The following PGBD2 variants were observed in gnomAD, a reference collection of about 807,000 sequenced individuals.
PGBD2 encodes the protein piggyBac transposable element-derived protein 2.
PGBD2 carries 6 observed loss-of-function variants against 8.1 expected under a neutral mutation model. That is an observed-to-expected ratio of 0.74 (90% CI 0.40 to 1.46). PGBD2 has a LOEUF of 1.46. PGBD2 is among the 40% of genes most tolerant of loss of function. The pLI is 0.02. For synonymous variants in PGBD2, 318 were observed against 272.2 expected (o/e 1.17, Z -1.66); for missense variants, 802 against 739.0 (o/e 1.09, Z -0.99).
At chr1:248,891,133 A>G in the PGBD2 span, among the ~76,000 whole-genome samples, 2 of 152,258 alleles carry the variant, frequency 1.3e-5, no homozygotes, top group African/African-American at 4.8e-5. Flanking sequence ...ATGCAAACAA[A>G]ATGTGTCTCT....
At chr1:248,874,955 TAGAC>T in the PGBD2 span, among the ~76,000 whole-genome samples, 1 of 138,624 alleles carries the variant, frequency 7.2e-6, no homozygotes, top group African/African-American at 2.9e-5. Flanking sequence ...GATAGATAGA[TAGAC>T]AAATAGATAG....
the PGBD2 span, among the ~76,000 whole-genome samples, chr1:248,891,575 A>T: frequency 1.3e-5 from 2 of 152,342 alleles, no homozygotes; most frequent in African/African-American, 4.8e-5. Context: ...CACACCTGTC[A>T]TCCCAGCCCT....
At chr1:248,896,250 T>C in the PGBD2 span, among the ~76,000 whole-genome samples, 4 of 152,186 alleles carry the variant, frequency 2.6e-5, no homozygotes, top group Non-Finnish European at 4.4e-5. Flanking sequence ...TTGACTCAAA[T>C]TGGAATTACA....
chr1:248,878,469 A>G, the PGBD2 span, among the ~76,000 whole-genome samples: 1 of 152,082 alleles, frequency 6.6e-6, no homozygotes, highest in African/African-American at 2.4e-5. Context: ...GAGCCACCGC[A>G]CCTGCTTCCA....
At position 248,913,824 on chromosome 1, in the gene PGBD2, A is replaced by T; in HGVS notation, c.-39A>T. On this transcript the variant is annotated 5_prime_UTR_variant, in exon 2 of 3. Coordinates refer to ENST00000329291, the MANE Select transcript of PGBD2 (RefSeq NM_170725.3). Reference sequence around the variant, plus strand: ...CTTTTCTTGTCTTACAGGTTCTTAGACTCTGTGAGTAAAGACAGCTTCATC... The same window carrying T: ...CTTTTCTTGTCTTACAGGTTCTTAGTCTCTGTGAGTAAAGACAGCTTCATC... 1 of 1,570,728 alleles carries T rather than the reference A, an allele frequency of 6.4e-7. No individual in the cohort carries two copies. The highest frequency in any genetic ancestry group is 8.8e-7 in the Non-Finnish European group (1 of 1,140,602).
intron 1 of PGBD2, among the ~76,000 whole-genome samples, chr1:248,911,420 G>A (rs1221091527): frequency 1.3e-5 from 2 of 149,954 alleles, no homozygotes; most frequent in African/African-American, 5.1e-5. Flanking sequence ...GTTTCAGAGA[G>A]CACAGGGTTG....
the PGBD2 span, among the ~76,000 whole-genome samples, chr1:248,893,910 T>A: frequency 6.6e-6 from 1 of 152,232 alleles, no homozygotes; most frequent in South Asian, 2.1e-4. Context: ...TTCTTTTCTT[T>A]TTTGTTAATT....
chr1:248,909,524 A>G (rs778086823), intron 1 of PGBD2, among the ~76,000 whole-genome samples: 3 of 152,148 alleles, frequency 2.0e-5, no homozygotes, highest in Non-Finnish European at 4.4e-5. Flanking sequence ...GAGTGTGGCC[A>G]TTTGGCTCTG....
At chr1:248,876,423 T>C in the PGBD2 span, among the ~76,000 whole-genome samples, 5,885 of 152,318 alleles carry the variant, frequency 0.039, 378 homozygotes, top group African/African-American at 0.13. Context: ...TTTGCTATTC[T>C]TTTGGTCCAC....
chr1:248,883,545 G>A, the PGBD2 span, among the ~76,000 whole-genome samples: 1 of 147,760 alleles, frequency 6.8e-6, no homozygotes, highest in East Asian at 2.0e-4. Flanking sequence ...TTTTCTCCCA[G>A]CCTGTCTGTT....
the PGBD2 span, among the ~76,000 whole-genome samples, chr1:248,926,267 C>A: frequency 6.6e-6 from 1 of 152,114 alleles, no homozygotes; most frequent in East Asian, 1.9e-4. Flanking sequence ...AAGCTCTGTA[C>A]AAAAGTTGTA....
chr1:248,926,915 C>G, the PGBD2 span, among the ~76,000 whole-genome samples: 2 of 152,164 alleles, frequency 1.3e-5, no homozygotes, highest in Non-Finnish European at 2.9e-5. Context: ...ATGATGCTCA[C>G]CAGCTGGTTA....
At chr1:248,874,434 A>G in the PGBD2 span, among the ~76,000 whole-genome samples, 1 of 152,216 alleles carries the variant, frequency 6.6e-6, no homozygotes, top group African/African-American at 2.4e-5. Flanking sequence ...CTCATTTTGC[A>G]GAGTAGTTAC....
chr1:248,907,411 C>T (rs113875127), intron 1 of PGBD2, among the ~76,000 whole-genome samples: 11 of 152,142 alleles, frequency 7.2e-5, no homozygotes, highest in Non-Finnish European at 1.6e-4. Flanking sequence ...GCAGGCAGGA[C>T]ACAGTGGCCT....
the PGBD2 span, among the ~76,000 whole-genome samples, chr1:248,889,116 G>T: frequency 6.6e-6 from 1 of 152,188 alleles, no homozygotes; most frequent in Non-Finnish European, 1.5e-5. Context: ...GCCGGTAACT[G>T]TGGCTCACGC....
chr1:248,884,426 C>T, the PGBD2 span, among the ~76,000 whole-genome samples: 26 of 151,896 alleles, frequency 1.7e-4, no homozygotes, highest in East Asian at 9.7e-4. Context: ...TTGCAACCTT[C>T]GCCTCCTGGG....
At chr1:248,874,450 A>G in the PGBD2 span, among the ~76,000 whole-genome samples, 2 of 152,200 alleles carry the variant, frequency 1.3e-5, no homozygotes, top group African/African-American at 4.8e-5. Flanking sequence ...GTTACCTGAA[A>G]TGGACTCTAC....
At chr1:248,897,824 T>C in the PGBD2 span, among the ~76,000 whole-genome samples, 1 of 152,186 alleles carries the variant, frequency 6.6e-6, no homozygotes, top group African/African-American at 2.4e-5. Context: ...GGAGACTGCC[T>C]GAGATGACCG....
the PGBD2 span, among the ~76,000 whole-genome samples, chr1:248,884,409 C>T: frequency 6.6e-5 from 10 of 151,794 alleles, no homozygotes; most frequent in African/African-American, 1.5e-4. Flanking sequence ...GGCGCGATCT[C>T]GGCTCATTGC....
Sources: allele counts gnomAD v4.1 joint callset (sites outside exome capture counted in the v4.1 genomes callset), GRCh38; gene constraint gnomAD v4.1.1; transcripts MANE v1.5; gene names NCBI Gene and HGNC (gene_info 2026-07-23, HGNC 2026-07-21).